The following ABCC4 variants were observed in gnomAD, a reference collection of about 807,000 sequenced individuals.
ABCC4 encodes the protein ATP-binding cassette sub-family C member 4.
Under a neutral mutation model 168.5 loss-of-function variants are expected in ABCC4, and 102 were observed. The ratio of observed to expected loss-of-function variants is 0.61; its 90% CI spans 0.52 to 0.71. ABCC4 has a LOEUF of 0.71. ABCC4 is among the 30% of genes least tolerant of loss of function. The pLI, the probability that ABCC4 is intolerant of heterozygous loss-of-function variation, is 0.00. For synonymous variants in ABCC4, 617 were observed against 590.7 expected (o/e 1.04, Z -0.65); for missense variants, 1,402 against 1,605.8 (o/e 0.87, Z 2.17).
intron 1 of ABCC4, among the ~76,000 whole-genome samples, chr13:95,250,797 C>T (rs1210005341): frequency 8.9e-6 from 1 of 112,896 alleles, no homozygotes; most frequent in Non-Finnish European, 1.6e-5. Flanking sequence ...TGGAGTCTCA[C>T]TCTGTTGCCC....
At position 95,278,068 on chromosome 13, in the gene ABCC4, C is replaced by T. The variant is rs548034507; in HGVS notation, c.74+23173G>A. On this transcript the variant is annotated intron_variant, in intron 1 of 30. Coordinates refer to ENST00000645237, the MANE Select transcript of ABCC4 (RefSeq NM_005845.5). ...TACCCCACCGCGGTCAACCCAGGGA[C>T]GGAGGAGAGAACGCCGCATGCCATT... Among the ~76,000 whole-genome samples, 233 of 152,214 alleles carry T rather than the reference C, an allele frequency of 1.5e-3. 1 individual carries two copies. The highest frequency in any genetic ancestry group is 5.3e-3 in the African/African-American group (222 of 41,542).
intron 19 of ABCC4, among the ~76,000 whole-genome samples, chr13:95,152,608 AC>A (rs1280553641): frequency 6.6e-6 from 1 of 152,210 alleles, no homozygotes; most frequent in East Asian, 1.9e-4. Flanking sequence ...ACTATCAAAA[AC>A]TTGATAAAAG....
chr13:95,128,688 G>A (rs554669076), intron 19 of ABCC4, among the ~76,000 whole-genome samples: 4 of 152,308 alleles, frequency 2.6e-5, no homozygotes, highest in Admixed American at 2.6e-4. Flanking sequence ...CCTAGACGCA[G>A]ACGATTAACC....
At chr13:95,025,739 A>G (rs1039849323) in intron 30 of ABCC4, among the ~76,000 whole-genome samples, 1 of 152,010 alleles carries the variant, frequency 6.6e-6, no homozygotes, top group East Asian at 1.9e-4. Context: ...AGTAAGATAA[A>G]CACATGACAA....
chr13:95,262,249 A>T (rs1412874838), intron 1 of ABCC4, among the ~76,000 whole-genome samples: 3 of 152,196 alleles, frequency 2.0e-5, no homozygotes, highest in African/African-American at 7.2e-5. Flanking sequence ...TGAGCAAAGA[A>T]GTCAACGTGT....
chr13:95,142,600 A>T (rs189609251), intron 19 of ABCC4, among the ~76,000 whole-genome samples: 2,551 of 152,194 alleles, frequency 0.017, 30 homozygotes, highest in Non-Finnish European at 0.023. Flanking sequence ...AAAAATTTTT[A>T]AATTTAACAA....
intron 19 of ABCC4, among the ~76,000 whole-genome samples, chr13:95,135,936 C>T (rs2036130819): frequency 6.6e-6 from 1 of 152,036 alleles, no homozygotes; most frequent in Admixed American, 6.6e-5. Flanking sequence ...TAAAAATACA[C>T]CACAGCTAGT....
At chr13:95,189,533 G>A (rs1258533670) in intron 9 of ABCC4, among the ~76,000 whole-genome samples, 1 of 152,150 alleles carries the variant, frequency 6.6e-6, no homozygotes, top group Non-Finnish European at 1.5e-5. Context: ...GGCAGCATGA[G>A]TACATGGCAT....
chr13:95,150,727 C>T (rs553006041), intron 19 of ABCC4, among the ~76,000 whole-genome samples: 2 of 152,264 alleles, frequency 1.3e-5, no homozygotes, highest in East Asian at 3.9e-4. Flanking sequence ...AAGCCCAAAG[C>T]GTGTACAGGT....
Position 95,301,338 on chromosome 13 carries a change from G to C in ABCC4, c.-24C>G. ...ATCTTGCCGGGCGGGGCGGGCGCGG[G>C]CCGGGGTCGCGCTGATCAGGCGGCG... On this transcript the variant is annotated 5_prime_UTR_variant, in exon 1 of 31. Transcript: ENST00000645237. The C allele has an allele frequency of 6.4e-7, 1 of 1,566,690 alleles. No individual in the cohort carries two copies. Among genetic ancestry groups the C allele is most frequent in the African/African-American group, 1.4e-5 (1 of 71,860 alleles).
intron 19 of ABCC4, among the ~76,000 whole-genome samples, chr13:95,125,685 T>C (rs189869989): frequency 6.6e-5 from 10 of 152,254 alleles, no homozygotes. Flanking sequence ...TGCCAGGAAG[T>C]ATTGTAGGGG....
chr13:95,064,861 C>T (rs147280990), intron 25 of ABCC4, among the ~76,000 whole-genome samples: 3 of 152,292 alleles, frequency 2.0e-5, no homozygotes, highest in Non-Finnish European at 4.4e-5. Flanking sequence ...TTTCATAAGT[C>T]ACCAATGGGT....
At chr13:95,135,374 C>T (rs992313345) in intron 19 of ABCC4, among the ~76,000 whole-genome samples, 2 of 151,152 alleles carry the variant, frequency 1.3e-5, no homozygotes, top group East Asian at 3.9e-4. Flanking sequence ...AGTGAACACT[C>T]TACATTTCAC....
At position 95,177,635 on chromosome 13, in the gene ABCC4, T is replaced by A. The variant is rs576620982; in HGVS notation, c.1727+72A>T. 252 of 1,304,828 alleles carry A rather than the reference T, an allele frequency of 1.9e-4. No individual in the cohort carries two copies. In the African/African-American group the frequency reaches 3.5e-3, roughly 18 times the overall value. The allele number at this position is 1,304,828 out of a possible 1,614,324, so 80.8% of individuals were successfully genotyped here. On this transcript the variant is annotated intron_variant, in intron 13 of 30. Coordinates refer to ENST00000645237, the MANE Select transcript of ABCC4 (RefSeq NM_005845.5). ...CCAGAGTAGGATGAGCTGAAAGCCA[T>A]AAAGGCTTTCCTGAGCCAACTCGAA...
chr13:95,260,581 G>A (rs2040506220), intron 1 of ABCC4, among the ~76,000 whole-genome samples: 1 of 152,112 alleles, frequency 6.6e-6, no homozygotes, highest in Non-Finnish European at 1.5e-5. Flanking sequence ...AGAATTTGGA[G>A]TTTACCAAGA....
At chr13:95,247,941 G>C (rs116583354) in intron 1 of ABCC4, among the ~76,000 whole-genome samples, 188 bp from the exon 2 acceptor site, 9 of 17,240 alleles carry the variant, frequency 5.2e-4, no homozygotes, top group African/African-American at 2.0e-3. Flanking sequence ...CACACACACA[G>C]TCCCTAGCTC....
chr13:95,192,994 T>A (rs1159753800), intron 9 of ABCC4, among the ~76,000 whole-genome samples: 1 of 152,212 alleles, frequency 6.6e-6, no homozygotes, highest in Admixed American at 6.5e-5. Context: ...TCACCTTGTG[T>A]GAGTTTCCAT....
chr13:95,178,114 G>C (rs377204979), intron 11 of ABCC4, 23 bp from the exon 12 acceptor site: 11 of 1,599,644 alleles, frequency 6.9e-6, no homozygotes, highest in Admixed American at 6.7e-5. Flanking sequence ...AGGAAAGAAG[G>C]GGGGAAAAAG....
intron 9 of ABCC4, among the ~76,000 whole-genome samples, chr13:95,189,334 C>A (rs1204000636): frequency 1.3e-5 from 2 of 151,310 alleles, no homozygotes; most frequent in Admixed American, 1.3e-4. Context: ...GGGGTTTCAC[C>A]GTGGTCTCGA....
Sources: allele counts gnomAD v4.1 joint callset (sites outside exome capture counted in the v4.1 genomes callset), GRCh38; gene constraint gnomAD v4.1.1; transcripts MANE v1.5; gene names NCBI Gene and HGNC (gene_info 2026-07-23, HGNC 2026-07-21).